SH2D3C: variants seen among roughly 807,000 people sequenced by gnomAD.
The protein encoded by SH2D3C is SH2 domain-containing protein 3C.
Under a neutral mutation model 75.2 loss-of-function variants are expected in SH2D3C, and 25 were observed. That is an observed-to-expected ratio of 0.33 (90% CI 0.24 to 0.46). SH2D3C has a LOEUF of 0.46. Among genes scored for constraint, SH2D3C ranks in the 20% least tolerant of loss-of-function variants. SH2D3C has a pLI of 1.00. For synonymous variants in SH2D3C, 450 were observed against 473.7 expected, an observed-to-expected ratio of 0.95 and a Z score of 0.65; for missense variants, 933 against 1,165.3, an observed-to-expected ratio of 0.80 and a Z score of 2.90.
chr9:127,741,756 A>G (rs1458739784), intron 9 of SH2D3C, 32 bp downstream of exon 9: 71 of 1,606,870 alleles, frequency 4.4e-5, no homozygotes, highest in Non-Finnish European at 6.0e-5. Context: ...CAGACAGTCT[A>G]CCGGGTGCCA....
intron 3 of SH2D3C, chr9:127,755,102 G>A (rs1284807779): frequency 3.3e-6 from 4 of 1,216,496 alleles, no homozygotes; most frequent in Non-Finnish European, 4.1e-6. Flanking sequence ...AAGGAGCCGC[G>A]GTAGAAGCAG....
Position 127,762,556 on chromosome 9 carries a change from C to T in SH2D3C, c.516-906G>A, listed in dbSNP as rs933768390. The T allele has an allele frequency of 2.6e-4, 103 of 395,052 alleles. 1 individual carries two copies. In the Admixed American group the frequency reaches 2.6e-3, roughly 10 times the overall value. 24.5% of individuals were successfully genotyped at this position (395,052 alleles called of 1,614,324 possible). A position where few individuals can be genotyped will look rare whatever the true frequency, so the allele number is the denominator to read the frequency against. ...AAAAACCCTGTGGTCCTTTGTGCCC[C>T]GTCTTCCATTCAGCTCCACGCCCAG... On this transcript the variant is annotated intron_variant, in intron 2 of 11. Coordinates refer to ENST00000314830, the MANE Select transcript of SH2D3C (RefSeq NM_170600.3).
chr9:127,747,187 C>T lies in SH2D3C; in HGVS notation c.1224G>A (p.Ser408=), dbSNP rs368414685. Reference sequence around the variant, plus strand: ...GGGAGCTAGGGCTCTCGGAGATGGGCGACATGGGTGAGTGCAGGTCTGGGA... The same window carrying T: ...GGGAGCTAGGGCTCTCGGAGATGGGTGACATGGGTGAGTGCAGGTCTGGGA... The part of the protein sequence containing the change: ...DQIPDLHSPM[S]PISESPSSPA... Residue 408 remains serine, a synonymous_variant, in exon 6 of 12, where the codon TCG becomes TCA. Transcript: ENST00000314830. 13 of 1,613,878 alleles carry T rather than the reference C, an allele frequency of 8.1e-6. No homozygotes were observed. The highest frequency in any genetic ancestry group is 1.7e-5 in the Admixed American group (1 of 60,000).
chr9:127,766,891 C>T, intron 2 of SH2D3C: 1 of 1,515,282 alleles, frequency 6.6e-7, no homozygotes. Context: ...TCACGCCCAT[C>T]TTCACTCACC....
At chr9:127,768,412 T>C (rs1253825459) in intron 2 of SH2D3C, among the ~76,000 whole-genome samples, 2 of 151,134 alleles carry the variant, frequency 1.3e-5, no homozygotes, top group South Asian at 2.1e-4. Flanking sequence ...AAACAGCCCC[T>C]TGGGAGTGAG....
At chr9:127,767,227 G>A (rs1845652260) in intron 2 of SH2D3C, 4 of 1,495,018 alleles carry the variant, frequency 2.7e-6, no homozygotes, top group Non-Finnish European at 3.6e-6. Flanking sequence ...CCAGAGCGGA[G>A]CTGAGGATGC....
chr9:127,743,318 C>A (rs976619596), intron 7 of SH2D3C, among the ~76,000 whole-genome samples: 22 of 152,206 alleles, frequency 1.4e-4, no homozygotes, highest in Non-Finnish European at 2.8e-4. Flanking sequence ...GCCTGGCCAA[C>A]ATGGCGAAAC....
Position 127,771,216 on chromosome 9 carries a change from C to T in SH2D3C, c.515+2774G>A. 4 of 1,546,976 alleles carry T rather than the reference C, an allele frequency of 2.6e-6. No homozygotes were observed. In the South Asian group the frequency reaches 3.6e-5, roughly 14 times the overall value. On this transcript the variant is annotated intron_variant, in intron 2 of 11. Coordinates refer to ENST00000314830, the MANE Select transcript of SH2D3C (RefSeq NM_170600.3). ...GGACCCCAGCGCGGGGCACCTTCGG[C>T]CCACAGCAGTCATGCTTCCCCCGCT... is the stretch of plus-strand genomic sequence containing the variant.
chr9:127,758,997 C>A (rs965671921), intron 3 of SH2D3C, among the ~76,000 whole-genome samples: 2 of 152,202 alleles, frequency 1.3e-5, no homozygotes, highest in Admixed American at 6.5e-5. Context: ...TAGGCCAGCC[C>A]GCCCTGTTCC....
rs149530070 is a variant in SH2D3C, at chr9:127,746,601, G to A, written c.1264+546C>T. 1.3e-3 allele frequency among the ~76,000 whole-genome samples: 204 copies of A among 152,188 alleles called. 1 individual carries two copies. The East Asian group carries it at 0.031, about 23-fold the overall frequency. On this transcript the variant is annotated intron_variant, in intron 6 of 11. Transcript: ENST00000314830. ...GTGGATCACCTGAGGTCAGGAGTTC[G>A]AGACCACCCTGGCCAACATGGTGAA...
intron 9 of SH2D3C, among the ~76,000 whole-genome samples, chr9:127,740,967 T>C (rs550286744): frequency 5.7e-4 from 86 of 151,594 alleles, no homozygotes; most frequent in Non-Finnish European, 8.9e-4. Flanking sequence ...AGGCGTGAGC[T>C]ACCGCGCCTG....
chr9:127,756,715 G>A (rs1208903287), intron 3 of SH2D3C, among the ~76,000 whole-genome samples: 1 of 148,586 alleles, frequency 6.7e-6, no homozygotes, highest in Non-Finnish European at 1.5e-5. Flanking sequence ...CAATATCTCG[G>A]CTCAATGTAA....
rs762455991 is a variant in SH2D3C at position 127,740,294 on chromosome 9, G to A, written c.2164C>T (p.Leu722Phe). Reference protein sequence around the residue: ...TEGAILYEKKLKPFLKSLNEG... With the variant: ...TEGAILYEKKFKPFLKSLNEG... ...TTGAGGCTCTTGAGAAAAGGCTTGA[G>A]CTTCTTCTCGTACAGGATGGCACCC... The change falls in exon 10 of 12, where the codon CTC (leucine) becomes TTC (phenylalanine). Residue 722 changes from leucine to phenylalanine, a missense_variant. Coordinates refer to ENST00000314830, the MANE Select transcript of SH2D3C (RefSeq NM_170600.3). The A allele has an allele frequency of 6.2e-7, 1 of 1,614,162 alleles. No homozygotes were observed. The highest frequency in any genetic ancestry group is 8.5e-7 in the Non-Finnish European group (1 of 1,180,014).
At chr9:127,764,958 C>T (rs1845606235) in intron 2 of SH2D3C, among the ~76,000 whole-genome samples, 1 of 152,144 alleles carries the variant, frequency 6.6e-6, no homozygotes, top group South Asian at 2.1e-4. Context: ...ATCTGCCTGC[C>T]TCAGCCTCCC....
chr9:127,755,684 G>A (rs954967828), intron 3 of SH2D3C, among the ~76,000 whole-genome samples: 2 of 152,204 alleles, frequency 1.3e-5, no homozygotes, highest in African/African-American at 2.4e-5. Context: ...CTCATCCCTG[G>A]TTTGGAATCA....
At position 127,741,939 on chromosome 9, in the gene SH2D3C, A is replaced by G; in HGVS notation, c.1937T>C (p.Met646Thr). Residue 646 changes from methionine (M) to threonine (T), a missense_variant, in exon 9 of 12, where the codon ATG (methionine) becomes ACG (threonine). Transcript: ENST00000314830. ...LLERFHTMSI[M>T]LAVDILGCTG... ...GCAGCCCAGGATGTCCACGGCCAGC[A>G]TGATGGACATGGTGTGGAACCTGTC... is the stretch of plus-strand genomic sequence containing the variant. 1 of 1,612,568 alleles carries G rather than the reference A, an allele frequency of 6.2e-7. No homozygotes were observed. Among genetic ancestry groups the G allele is most frequent in the South Asian group, 1.1e-5 (1 of 91,056 alleles).
At chr9:127,746,798 C>T (rs985905840) in intron 6 of SH2D3C, among the ~76,000 whole-genome samples, 10 of 152,124 alleles carry the variant, frequency 6.6e-5, no homozygotes, top group Admixed American at 2.0e-4. Context: ...ATTAGCCAGG[C>T]GTGGTGGCAG....
chr9:127,764,629 A>C (rs1845598898), intron 2 of SH2D3C, among the ~76,000 whole-genome samples: 1 of 150,964 alleles, frequency 6.6e-6, no homozygotes, highest in African/African-American at 2.4e-5. Flanking sequence ...GGGTCTTTGC[A>C]CTTTCTATTC....
chr9:127,762,637 G>A (rs1035109975), intron 2 of SH2D3C, among the ~76,000 whole-genome samples: 7 of 152,142 alleles, frequency 4.6e-5, no homozygotes, highest in South Asian at 2.1e-4. Flanking sequence ...TGTCCACCCC[G>A]TCCCCAAAGT....
Sources: allele counts gnomAD v4.1 joint callset (sites outside exome capture counted in the v4.1 genomes callset), GRCh38; gene constraint gnomAD v4.1.1; transcripts MANE v1.5; gene names NCBI Gene and HGNC (gene_info 2026-07-23, HGNC 2026-07-21).